The following ICA1 variants were observed in gnomAD, a reference collection of about 807,000 sequenced individuals.
ICA1 encodes the protein islet cell autoantigen 1, also known as 69 kDa islet cell autoantigen.
ICA1 carries 40 observed loss-of-function variants against 71.0 expected under a neutral mutation model. The observed-to-expected ratio is 0.56, with a 90% confidence interval of 0.44 to 0.73. ICA1 has a LOEUF of 0.73. ICA1 is among the 30% of genes least tolerant of loss of function. The pLI, the probability that ICA1 is intolerant of heterozygous loss-of-function variation, is 0.00. For missense variants in ICA1, 578 were observed against 576.5 expected (o/e 1.00, Z -0.03); for synonymous variants, 207 against 209.5 (o/e 0.99, Z 0.10).
Position 8,238,702 on chromosome 7 carries a change from A to C in ICA1, c.-79-2697T>G, listed in dbSNP as rs111587894. Among the ~76,000 whole-genome samples, 1,504 of 152,252 alleles carry C rather than the reference A, an allele frequency of 9.9e-3. 27 individuals carry two copies. Among genetic ancestry groups the C allele is most frequent in the African/African-American group, 0.034 (1,430 of 41,538 alleles). ...AATCCTTCATAGTGTAAGTTCTTAT[A>C]GTATGTGTTATTTATAGTTATAGTT... On this transcript the variant is annotated intron_variant, in intron 1 of 13. Transcript: ENST00000402384.
intron 1 of ICA1, among the ~76,000 whole-genome samples, chr7:8,240,998 A>G (rs931927499): frequency 6.6e-6 from 1 of 152,224 alleles, no homozygotes; most frequent in Non-Finnish European, 1.5e-5. Context: ...TCTTCAGGAT[A>G]TTATCCAGGA....
intron 1 of ICA1, among the ~76,000 whole-genome samples, chr7:8,255,337 T>C (rs749879024): frequency 6.6e-6 from 1 of 152,226 alleles, no homozygotes; most frequent in African/African-American, 2.4e-5. Flanking sequence ...CCACGTTCTC[T>C]TCCTTTCTTG....
At chr7:8,247,375 AATCGAGC>A (rs1806433602) in intron 1 of ICA1, among the ~76,000 whole-genome samples, 1 of 152,152 alleles carries the variant, frequency 6.6e-6, no homozygotes, top group Non-Finnish European at 1.5e-5. Context: ...TGGGAGGATC[AATCGAGC>A]CCAGGAGGTC....
chr7:8,200,255 T>C (rs1196293629), intron 6 of ICA1, among the ~76,000 whole-genome samples: 2 of 126,416 alleles, frequency 1.6e-5, no homozygotes, highest in Non-Finnish European at 3.1e-5. Context: ...TTTATTCAGT[T>C]AAAGCATAGT....
Position 8,221,272 on chromosome 7 carries a change from C to CT in ICA1, c.380+2_380+3insA. On this transcript the variant is annotated splice_region_variant and intron_variant, in intron 5 of 13. Transcript: ENST00000402384. ...AGATAGAACCCCACTAAAGGCCACACACCTTTGCTGGGAAGAAAAGCAGAG... is the reference window on the plus strand; with the variant it reads ...AGATAGAACCCCACTAAAGGCCACACTACCTTTGCTGGGAAGAAAAGCAGAG... The CT allele has an allele frequency of 6.2e-7, 1 of 1,613,470 alleles. No individual in the cohort carries two copies. Among genetic ancestry groups the CT allele is most frequent in the Admixed American group, 1.7e-5 (1 of 59,996 alleles).
intron 12 of ICA1, among the ~76,000 whole-genome samples, chr7:8,129,073 T>C (rs898973920): frequency 6.6e-6 from 1 of 152,226 alleles, no homozygotes; most frequent in African/African-American, 2.4e-5. Context: ...ATTGGCAGAA[T>C]ACTGAATATT....
chr7:8,195,741 A>G (rs1321436380), intron 6 of ICA1, among the ~76,000 whole-genome samples: 2 of 151,980 alleles, frequency 1.3e-5, no homozygotes, highest in East Asian at 1.9e-4. Context: ...GCACTTTGGG[A>G]GGCCAAGGCG....
chr7:8,172,277 T>C (rs1013191198), intron 6 of ICA1, among the ~76,000 whole-genome samples: 5 of 152,102 alleles, frequency 3.3e-5, no homozygotes, highest in African/African-American at 7.2e-5. Context: ...GTAGACAACA[T>C]TGGGATTGTT....
chr7:8,256,442 A>T (rs1563229527), intron 1 of ICA1, among the ~76,000 whole-genome samples: 1 of 152,086 alleles, frequency 6.6e-6, no homozygotes. Flanking sequence ...AGCTTCCCTG[A>T]ATATACTATG....
chr7:8,230,886 C>A (rs940099915), intron 3 of ICA1, among the ~76,000 whole-genome samples: 3 of 152,120 alleles, frequency 2.0e-5, no homozygotes, highest in African/African-American at 7.2e-5. Flanking sequence ...CTAACACATA[C>A]CCTTATTCAG....
At chr7:8,150,516 G>A (rs183673483) in intron 8 of ICA1, among the ~76,000 whole-genome samples, 129 of 152,330 alleles carry the variant, frequency 8.5e-4, no homozygotes, top group African/African-American at 3.0e-3. Context: ...GAGGTGAACT[G>A]ACTTGCTTCA....
rs570042429 is a variant in ICA1, at chr7:8,247,677, C to A, written c.-79-11672G>T. On this transcript the variant is annotated intron_variant, in intron 1 of 13. Transcript: ENST00000402384. ...CCTTGAACCCAGATACCAGATTCTTCTCCTTGGAAATATAATCTAGGAAGG... is the reference window on the plus strand; with the variant it reads ...CCTTGAACCCAGATACCAGATTCTTATCCTTGGAAATATAATCTAGGAAGG... Among the ~76,000 whole-genome samples the A allele has an allele frequency of 1.6e-3, 251 of 152,236 alleles. 1 individual carries two copies. The highest frequency in any genetic ancestry group is 5.7e-3 in the African/African-American group (238 of 41,538).
In ICA1 at chr7:8,228,620, G is replaced by A. The variant is rs976123081; in HGVS notation, c.237C>T (p.Leu79=). ...TCLDLSKAIV[L]YQKRICFLSQ... is the part of the protein sequence containing the mutation. ...ACTTACAACATATCCTCTTTTGATA[G>A]AGTACAATTGCTTTCGATAAGTCCA... The change falls in exon 4 of 14, where the codon CTC becomes CTT. Residue 79 remains leucine, a synonymous_variant. Coordinates refer to ENST00000402384, the MANE Select transcript of ICA1 (RefSeq NM_001136020.3). The A allele has an allele frequency of 6.3e-7, 1 of 1,593,656 alleles. No individual in the cohort carries two copies. Among genetic ancestry groups the A allele is most frequent in the Non-Finnish European group, 8.6e-7 (1 of 1,167,866 alleles).
chr7:8,218,896 T>C (rs1796195955), intron 5 of ICA1: 1 of 300,034 alleles, frequency 3.3e-6, no homozygotes, highest in Admixed American at 4.7e-5. Flanking sequence ...CGTATGTGAT[T>C]AGCATCTCTC....
chr7:8,121,638 T>C (rs1786990224), intron 13 of ICA1, among the ~76,000 whole-genome samples: 1 of 152,212 alleles, frequency 6.6e-6, no homozygotes, highest in South Asian at 2.1e-4. Context: ...AAGGGATGGT[T>C]AGTGGGTACA....
chr7:8,177,106 G>C (rs1780856940), intron 6 of ICA1, among the ~76,000 whole-genome samples: 1 of 151,880 alleles, frequency 6.6e-6, no homozygotes, highest in South Asian at 2.1e-4. Context: ...TTTGATTTTT[G>C]GCTTCTTATT....
intron 13 of ICA1, among the ~76,000 whole-genome samples, chr7:8,122,663 G>A (rs182879136): frequency 2.5e-4 from 38 of 152,372 alleles, no homozygotes; most frequent in African/African-American, 8.9e-4. Flanking sequence ...GCCAGGAATG[G>A]CAGGAGGTGA....
Position 8,228,618 on chromosome 7 carries a change from T to C in ICA1, c.239A>G (p.Tyr80Cys). The change falls in exon 4 of 14, where the codon TAT (tyrosine) becomes TGT (cysteine). Residue 80 changes from tyrosine to cysteine, a missense_variant. Tyr to Cys is a radical substitution (Grantham distance 194). Coordinates refer to ENST00000402384, the MANE Select transcript of ICA1 (RefSeq NM_001136020.3). The stretch of plus-strand genomic sequence containing the variant: ...ATACTTACAACATATCCTCTTTTGA[T>C]AGAGTACAATTGCTTTCGATAAGTC... ...CLDLSKAIVLYQKRICFLSQE... is the reference protein window; with the variant it reads ...CLDLSKAIVLCQKRICFLSQE... 1.3e-6 allele frequency: 2 copies of C among 1,594,526 alleles called. No individual in the cohort carries two copies. Among genetic ancestry groups the C allele is most frequent in the Non-Finnish European group, 1.7e-6 (2 of 1,168,354 alleles).
At chr7:8,150,518 C>A (rs1366461434) in intron 8 of ICA1, among the ~76,000 whole-genome samples, 5 of 152,236 alleles carry the variant, frequency 3.3e-5, no homozygotes, top group Non-Finnish European at 5.9e-5. Flanking sequence ...GGTGAACTGA[C>A]TTGCTTCAGG....
Sources: allele counts gnomAD v4.1 joint callset (sites outside exome capture counted in the v4.1 genomes callset), GRCh38; gene constraint gnomAD v4.1.1; transcripts MANE v1.5; gene names NCBI Gene and HGNC (gene_info 2026-07-23, HGNC 2026-07-21).